CROCC: variants seen among roughly 807,000 people sequenced by gnomAD.
CROCC encodes ciliary rootlet coiled-coil, rootletin, also known as rootletin.
Under a neutral mutation model 245.2 loss-of-function variants are expected in CROCC, and 180 were observed. The observed-to-expected ratio is 0.73, with a 90% CI of 0.65 to 0.83. The LOEUF (loss-of-function observed/expected upper bound fraction) is 0.83, where lower values mean the gene tolerates loss of function less well. Among genes scored for constraint, CROCC ranks in the 40% least tolerant of loss-of-function variants. The pLI, the probability that CROCC is intolerant of heterozygous loss-of-function variation, is 0.00. For synonymous variants in CROCC, 1,205 were observed against 1,241.6 expected (o/e 0.97, Z 0.62); for missense variants, 2,688 against 2,779.4 (o/e 0.97, Z 0.74).
At position 16,948,510 on chromosome 1, in the gene CROCC, G is replaced by A. The variant is rs377121125; in HGVS notation, c.2694G>A (p.Glu898=). The part of the protein sequence containing the change: ...AEREGRTLSE[E]ATRLRLEKEA... The stretch of plus-strand genomic sequence containing the variant: ...GTGAAGGCAGGACCCTGTCAGAGGA[G>A]GCCACACGCCTGCGGTAAGGCCTTG... Residue 898 remains glutamate, a synonymous_variant, in exon 18 of 37, where the codon GAG becomes GAA. Transcript: ENST00000375541. 5 of 1,544,634 alleles carry A rather than the reference G, an allele frequency of 3.2e-6. No homozygotes were observed. The highest frequency in any genetic ancestry group is 1.2e-5 in the South Asian group (1 of 82,978).
intron 15 of CROCC, among the ~76,000 whole-genome samples, chr1:16,945,917 G>T (rs2076034773): frequency 6.6e-6 from 1 of 152,282 alleles, no homozygotes; most frequent in Non-Finnish European, 1.5e-5. Context: ...GAGAGTTGTG[G>T]CCACAGCGCA....
Position 16,936,740 on chromosome 1 carries a change from GAGGC to G in CROCC, c.1063_1066del (p.Ala355ProfsTer44), listed in dbSNP as rs1557595526. ...CCTACGGCTGGCAGAGAGCCGGGCC[GAGGC>G]AGCCCTGGAGAAACAGGCCCTGCTG... On this transcript the variant is annotated frameshift_variant, in exon 9 of 37. Coordinates refer to ENST00000375541, the MANE Select transcript of CROCC (RefSeq NM_014675.5). LOFTEE classifies it high-confidence loss of function. The G allele has an allele frequency of 6.2e-7, 1 of 1,609,936 alleles. No individual in the cohort carries two copies. The highest frequency in any genetic ancestry group is 1.7e-5 in the Admixed American group (1 of 59,622).
intron 3 of CROCC, among the ~76,000 whole-genome samples, chr1:16,925,808 C>T (rs1314164835): frequency 6.6e-6 from 1 of 152,268 alleles, no homozygotes; most frequent in Non-Finnish European, 1.5e-5. Flanking sequence ...CCGCAGTGGC[C>T]CCTGGCATGA....
At position 16,961,538 on chromosome 1, in the gene CROCC, G is replaced by C. The variant is rs182425530; in HGVS notation, c.4405+408G>C. 4.7e-3 allele frequency among the ~76,000 whole-genome samples: 715 copies of C among 152,188 alleles called. 5 individuals are homozygous for C. The highest frequency in any genetic ancestry group is 7.1e-3 in the Non-Finnish European group (480 of 68,016). On this transcript the variant is annotated intron_variant, in intron 27 of 36. Transcript: ENST00000375541. Reference sequence around the variant, plus strand: ...CCTCCTGTCTCAGCCTCTCAGGGTTGGGATTAGAGGCATGAGCCACGGCAC... The same window carrying C: ...CCTCCTGTCTCAGCCTCTCAGGGTTCGGATTAGAGGCATGAGCCACGGCAC...
intron 27 of CROCC, among the ~76,000 whole-genome samples, chr1:16,962,111 G>A (rs960135016): frequency 6.6e-5 from 10 of 150,982 alleles, no homozygotes; most frequent in African/African-American, 2.2e-4. Flanking sequence ...TGCCCAAGCT[G>A]GAGTGCAGTA....
chr1:16,940,668 A>G (rs1383258256), intron 13 of CROCC: 3 of 239,600 alleles, frequency 1.3e-5, no homozygotes, highest in Non-Finnish European at 2.5e-5. Context: ...GATTACAGGC[A>G]TGAGCCACCG....
rs1309372482 is a variant in CROCC at position 16,966,732 on chromosome 1, C to G, written c.4860+161C>G. 6.6e-6 allele frequency among the ~76,000 whole-genome samples: 1 copy of G among 152,212 alleles called. No homozygotes were observed. ...CTGTGAAACCATGTTCAGACTCCATCCTCTCATGTCACTTGTGGTCACTAG... is the reference window on the plus strand; with the variant it reads ...CTGTGAAACCATGTTCAGACTCCATGCTCTCATGTCACTTGTGGTCACTAG... On this transcript the variant is annotated intron_variant, in intron 30 of 36. Transcript: ENST00000375541. This position sits in a 1 kb window ranked among gnomAD's most constrained non-coding sequence, Gnocchi z 4.8.
chr1:16,941,687 G>T (rs146402948), intron 13 of CROCC, among the ~76,000 whole-genome samples: 17,581 of 147,150 alleles, frequency 0.12, 90 homozygotes, highest in African/African-American at 0.18. Flanking sequence ...AGCCGAGATG[G>T]CGCCACTGCA....
chr1:16,954,662 C>T lies in CROCC; in HGVS notation c.3322-72C>T. 6.8e-7 allele frequency: 1 copy of T among 1,478,478 alleles called. No individual in the cohort carries two copies. Among genetic ancestry groups the T allele is most frequent in the Middle Eastern group, 2.5e-4 (1 of 4,056 alleles). 91.6% of individuals were successfully genotyped at this position (1,478,478 alleles called of 1,614,324 possible). A position where few individuals can be genotyped will look rare whatever the true frequency, so the allele number is the denominator to read the frequency against. On this transcript the variant is annotated intron_variant, in intron 22 of 36. Coordinates refer to ENST00000375541, the MANE Select transcript of CROCC (RefSeq NM_014675.5). This position sits in a 1 kb window ranked among gnomAD's most constrained non-coding sequence, Gnocchi z 4.4. ...TTTAGAGCTAAAAGTGGACAGTGCA[C>T]TGAGCGGGTTGGGAGCAGCCCGGGG...
chr1:16,969,745 C>T (rs1391466470), intron 32 of CROCC, 40 bp from the exon 33 acceptor site: 4 of 1,589,114 alleles, frequency 2.5e-6, no homozygotes, highest in African/African-American at 1.3e-5. Flanking sequence ...CTCCTTAGGG[C>T]TCCCAGGCCA....
At position 16,962,736 on chromosome 1, in the gene CROCC, ATT is replaced by A. The variant is rs869142735; in HGVS notation, c.4405+1617_4405+1618del. 3.3e-3 allele frequency among the ~76,000 whole-genome samples: 459 copies of A among 140,190 alleles called. 2 individuals carry two copies. The highest frequency in any genetic ancestry group is 0.011 in the African/African-American group (426 of 38,362). 92.0% of individuals were successfully genotyped at this position (140,190 alleles called of 152,430 possible). A position where few individuals can be genotyped will look rare whatever the true frequency, so the allele number is the denominator to read the frequency against. On this transcript the variant is annotated intron_variant, in intron 27 of 36. Transcript: ENST00000375541. Reference sequence around the variant, plus strand: ...TAAATATACATATATATATATGTATATTTTTTTTTTTTAGGAGAGATGGGGTT... The same window carrying A: ...TAAATATACATATATATATATGTATATTTTTTTTTTAGGAGAGATGGGGTT...
Position 16,930,023 on chromosome 1 carries a change from C to T in CROCC, c.529C>T (p.Gln177Ter). 6.4e-7 allele frequency: 1 copy of T among 1,574,500 alleles called. No homozygotes were observed. Among genetic ancestry groups the T allele is most frequent in the Non-Finnish European group, 8.6e-7 (1 of 1,164,200 alleles). ...QRQAQLVQRLQGKILQYKKRC... is the reference protein window; with the variant it reads ...QRQAQLVQRL ...GCAGGCCCAGCTTGTGCAGCGGCTG[C>T]AGGGCAAGGTCAGGACCACCCACTC... Residue 177 changes from glutamine to a stop codon, truncating the protein, a stop_gained, in exon 4 of 37, where the codon CAG (glutamine) becomes TAG (stop). Coordinates refer to ENST00000375541, the MANE Select transcript of CROCC (RefSeq NM_014675.5). LOFTEE classifies it high-confidence loss of function.
Position 16,971,636 on chromosome 1 carries a change from C to G in CROCC, c.5956C>G (p.Leu1986Val). The G allele has an allele frequency of 6.7e-7, 1 of 1,497,718 alleles. No homozygotes were observed. Among genetic ancestry groups the G allele is most frequent in the Non-Finnish European group, 8.9e-7 (1 of 1,122,432 alleles). The allele number at this position is 1,497,718 out of a possible 1,614,324, so 92.8% of individuals were successfully genotyped here. The change falls in exon 36 of 37, where the codon CTG becomes GTG. Residue 1986 changes from leucine (L) to valine (V), a missense_variant. Physicochemically the swap from Leu to Val is conservative, Grantham distance 32 (BLOSUM62 1). Transcript: ENST00000375541. The stretch of plus-strand genomic sequence containing the variant: ...GGCCCACCGCCAGAGGGTGCGTGGG[C>G]TGGAGGAGCAGGTGTGCAGGCCCCC... ...ERAHRQRVRG[L>V]EEQVSTLKGQ...
In CROCC at chr1:16,946,114, T is replaced by A; in HGVS notation, c.2137-145T>A. 5.3e-6 allele frequency: 5 copies of A among 942,146 alleles called. No individual in the cohort carries two copies. In the South Asian group the frequency reaches 7.2e-5, roughly 14 times the overall value. 58.4% of individuals were successfully genotyped at this position (942,146 alleles called of 1,614,324 possible). A position where few individuals can be genotyped will look rare whatever the true frequency, so the allele number is the denominator to read the frequency against. ...AAGCAGCAGGCTTTCTGCGGTGATTTTTTTTTTTCCATCTCACACTGTGTC... is the reference window on the plus strand; with the variant it reads ...AAGCAGCAGGCTTTCTGCGGTGATTATTTTTTTTCCATCTCACACTGTGTC... On this transcript the variant is annotated intron_variant, in intron 15 of 36. Coordinates refer to ENST00000375541, the MANE Select transcript of CROCC (RefSeq NM_014675.5).
At chr1:16,939,710 A>G (rs1480634113) in intron 12 of CROCC, among the ~76,000 whole-genome samples, 184 bp from the exon 13 acceptor site, 3 of 152,192 alleles carry the variant, frequency 2.0e-5, no homozygotes, top group African/African-American at 7.2e-5. Context: ...GAGGGTGGCG[A>G]GGGCACATAG....
intron 16 of CROCC, 27 bp from the exon 17 acceptor site, chr1:16,946,734 G>C (rs150920316): frequency 1.9e-6 from 3 of 1,547,418 alleles, no homozygotes; most frequent in African/African-American, 1.4e-5. Context: ...CCCTGCTCAC[G>C]AGGCCCCACT....
At chr1:16,937,610 G>A (rs751908561) in intron 9 of CROCC, 31 bp from the exon 10 acceptor site, 31 of 1,571,174 alleles carry the variant, frequency 2.0e-5, no homozygotes, top group African/African-American at 1.9e-4. Flanking sequence ...GGGTGGTCCC[G>A]TATTCACCTC....
In CROCC at chr1:16,969,258, C is replaced by A; in HGVS notation, c.5219C>A (p.Ala1740Asp). 3.1e-6 allele frequency: 5 copies of A among 1,613,410 alleles called. No homozygotes were observed. The highest frequency in any genetic ancestry group is 1.7e-4 in the Middle Eastern group (1 of 5,758). ...GLTEALAQSS[A>D]SLNSTRDKNL... Reference sequence around the variant, plus strand: ...ACAGAGGCCCTGGCCCAGAGCAGTGCCAGCCTCAACAGCACCCGGGACAAG... The same window carrying A: ...ACAGAGGCCCTGGCCCAGAGCAGTGACAGCCTCAACAGCACCCGGGACAAG... Residue 1740 changes from alanine (A) to aspartate (D), a missense_variant, in exon 32 of 37, where the codon GCC becomes GAC. Physicochemically the swap from Ala to Asp is moderately radical, Grantham distance 126. Coordinates refer to ENST00000375541, the MANE Select transcript of CROCC (RefSeq NM_014675.5).
intron 20 of CROCC, among the ~76,000 whole-genome samples, chr1:16,952,600 G>A (rs1211801778): frequency 1.3e-5 from 2 of 152,120 alleles, no homozygotes; most frequent in African/African-American, 2.4e-5. Context: ...TTGCCTGTGG[G>A]CTCTGCCTGC....
Sources: allele counts gnomAD v4.1 joint callset (sites outside exome capture counted in the v4.1 genomes callset), GRCh38; gene constraint gnomAD v4.1.1; non-coding constraint Gnocchi (gnomAD v3.1); transcripts MANE v1.5; gene names NCBI Gene and HGNC (gene_info 2026-07-23, HGNC 2026-07-21).